MCC: variants seen among roughly 807,000 people sequenced by gnomAD.
MCC encodes the protein colorectal mutant cancer protein.
In MCC, 90 loss-of-function variants were observed where a neutral mutation model predicts 116.2. The observed-to-expected ratio is 0.77, with a 90% confidence interval of 0.65 to 0.92. The LOEUF is 0.92. Ranked by LOEUF, MCC falls within the 40% of genes least tolerant of loss-of-function variation. The pLI is 0.00. For missense variants in MCC, 1,516 were observed against 1,312.2 expected (o/e 1.16, Z -2.40); for synonymous variants, 578 against 510.5 (o/e 1.13, Z -1.78).
At chr5:113,218,020 T>C (rs1056479210) in intron 3 of MCC, among the ~76,000 whole-genome samples, 4 of 151,094 alleles carry the variant, frequency 2.6e-5, no homozygotes, top group Middle Eastern at 3.4e-3. Context: ...ACACTGTAAA[T>C]AGTTTAGTTT....
At chr5:113,415,638 C>G (rs1396407383) in intron 1 of MCC, among the ~76,000 whole-genome samples, 2 of 152,206 alleles carry the variant, frequency 1.3e-5, no homozygotes, top group Non-Finnish European at 2.9e-5. Flanking sequence ...AAGGTCTCCT[C>G]TACACTGTTT....
At chr5:113,073,730 C>T (rs1041798414) in intron 11 of MCC, among the ~76,000 whole-genome samples, 2 of 152,004 alleles carry the variant, frequency 1.3e-5, no homozygotes, top group Non-Finnish European at 2.9e-5. Flanking sequence ...GACTACCCAC[C>T]GAAAAATTAA....
intron 15 of MCC, among the ~76,000 whole-genome samples, chr5:113,051,124 A>G (rs920089132): frequency 2.0e-5 from 3 of 152,222 alleles, no homozygotes; most frequent in Non-Finnish European, 4.4e-5. Context: ...CCTAAACCTC[A>G]GAAACTGATG....
At chr5:113,062,553 G>A (rs1346590942) in intron 14 of MCC, among the ~76,000 whole-genome samples, 1 of 152,146 alleles carries the variant, frequency 6.6e-6, no homozygotes, top group Non-Finnish European at 1.5e-5. Context: ...CAGCATCACT[G>A]ACAACATGAG....
chr5:113,063,972 G>A lies in MCC; in HGVS notation c.2213+12C>T, dbSNP rs563590256. 1 of 1,608,144 alleles carries A rather than the reference G, an allele frequency of 6.2e-7. No individual in the cohort carries two copies. The highest frequency in any genetic ancestry group is 1.1e-5 in the South Asian group (1 of 90,344). On this transcript the variant is annotated intron_variant, in intron 14 of 18. Transcript: ENST00000408903. ...ACACACGCCCACCCCAGAGCAGAAGGCTGAGCATTACCTGGTGTGGCTGTT... is the reference window on the plus strand; with the variant it reads ...ACACACGCCCACCCCAGAGCAGAAGACTGAGCATTACCTGGTGTGGCTGTT...
intron 3 of MCC, among the ~76,000 whole-genome samples, chr5:113,185,446 T>C (rs1761854755): frequency 6.6e-6 from 1 of 152,182 alleles, no homozygotes; most frequent in South Asian, 2.1e-4. Flanking sequence ...CTATCTTGTT[T>C]GAAATTCTTA....
chr5:113,235,405 T>C (rs1270515707), intron 3 of MCC, among the ~76,000 whole-genome samples: 1 of 152,248 alleles, frequency 6.6e-6, no homozygotes, highest in Non-Finnish European at 1.5e-5. Flanking sequence ...TATATCTGAT[T>C]AGACTATGTT....
chr5:113,085,178 T>G lies in MCC; in HGVS notation c.1531A>C (p.Ile511Leu). 5.6e-6 allele frequency: 9 copies of G among 1,614,184 alleles called. No homozygotes were observed. The highest frequency in any genetic ancestry group is 1.3e-5 in the African/African-American group (1 of 75,066). The change falls in exon 9 of 19, where the codon ATT becomes CTT. Residue 511 changes from isoleucine to leucine, a missense_variant. Transcript: ENST00000408903. ...ELSTSSSSND[I>L]PIAKIAERVK... ...CAGGAACTCACCTTGGCGATGGGAA[T>G]GTCATTGCTGCTGCTGCTTGTGCTC...
chr5:113,383,455 A>G (rs947802654), intron 2 of MCC, among the ~76,000 whole-genome samples: 8 of 152,350 alleles, frequency 5.3e-5, no homozygotes, highest in Admixed American at 1.3e-4. Flanking sequence ...AATGCAAAAG[A>G]AAAACTGCAA....
chr5:113,339,784 G>A (rs1767966083), intron 3 of MCC, among the ~76,000 whole-genome samples: 1 of 152,216 alleles, frequency 6.6e-6, no homozygotes, highest in African/African-American at 2.4e-5. Flanking sequence ...AAAGCAGACT[G>A]TAAATATGCA....
chr5:113,209,526 G>C (rs73244746), intron 3 of MCC, among the ~76,000 whole-genome samples: 3,126 of 152,268 alleles, frequency 0.021, 101 homozygotes, highest in African/African-American at 0.071. Flanking sequence ...GCAGGCTTTG[G>C]ATATGGGACG....
chr5:113,189,354 A>G (rs1219031216), intron 3 of MCC, among the ~76,000 whole-genome samples: 1 of 152,218 alleles, frequency 6.6e-6, no homozygotes, highest in East Asian at 1.9e-4. Flanking sequence ...TTGAAGTGTT[A>G]GCCCAATTTT....
Position 113,232,094 on chromosome 5 carries a change from C to G in MCC, c.628-80672G>C, listed in dbSNP as rs151095298. On this transcript the variant is annotated intron_variant, in intron 3 of 18. Coordinates refer to ENST00000408903, the MANE Select transcript of MCC (RefSeq NM_001085377.2). The stretch of plus-strand genomic sequence containing the variant: ...AGATACTATGTTATTTGTTAACTAG[C>G]TTTCACCTTAAAGCAAACTCTAAAA... Among the ~76,000 whole-genome samples, 6 of 152,246 alleles carry G rather than the reference C, an allele frequency of 3.9e-5. No homozygotes were observed. In the East Asian group the frequency reaches 1.2e-3, roughly 29 times the overall value.
intron 14 of MCC, among the ~76,000 whole-genome samples, chr5:113,059,728 C>T (rs775657319): frequency 1.1e-4 from 16 of 152,232 alleles, no homozygotes; most frequent in East Asian, 5.8e-4. Flanking sequence ...GCTCCCGTCA[C>T]GCTGGCTTTC....
At chr5:113,352,311 T>C (rs1768290551) in intron 2 of MCC, among the ~76,000 whole-genome samples, 1 of 152,174 alleles carries the variant, frequency 6.6e-6, no homozygotes, top group East Asian at 1.9e-4. Flanking sequence ...TGGTACCTGA[T>C]GGCTCATATG....
intron 3 of MCC, among the ~76,000 whole-genome samples, chr5:113,170,454 T>C (rs1179545831): frequency 6.6e-6 from 1 of 152,176 alleles, no homozygotes; most frequent in Non-Finnish European, 1.5e-5. Flanking sequence ...ATGCTTTTTA[T>C]TTCTGTGGCG....
chr5:113,412,828 G>C (rs765046818), intron 1 of MCC, among the ~76,000 whole-genome samples: 3 of 152,182 alleles, frequency 2.0e-5, no homozygotes, highest in Non-Finnish European at 4.4e-5. Context: ...AGTGGTGAGA[G>C]AGGACAACAC....
At chr5:113,458,123 G>A (rs530326272) in intron 1 of MCC, among the ~76,000 whole-genome samples, 17 of 152,190 alleles carry the variant, frequency 1.1e-4, no homozygotes, top group Non-Finnish European at 2.4e-4. Context: ...CAGGCTGCCC[G>A]AGCTAGCAGT....
chr5:113,311,325 T>C (rs965196856), intron 3 of MCC, among the ~76,000 whole-genome samples: 6 of 152,214 alleles, frequency 3.9e-5, no homozygotes, highest in African/African-American at 1.4e-4. Context: ...ATGGAATTAA[T>C]GGTATGCCCG....
Sources: gnomAD v4.1 joint callset for allele counts (sites outside exome capture counted in the v4.1 genomes callset) on GRCh38, gnomAD v4.1.1 for gene constraint, MANE v1.5 for transcripts, NCBI Gene and HGNC (gene_info 2026-07-23, HGNC 2026-07-21) for gene names.